The following OPA1 variants were observed in gnomAD, a reference collection of about 807,000 sequenced individuals.
The protein encoded by OPA1 is dynamin-like GTPase OPA1, mitochondrial.
Under a neutral mutation model 152.9 loss-of-function variants are expected in OPA1, and 59 were observed. That is an observed-to-expected ratio of 0.39 (90% CI 0.31 to 0.48). The LOEUF (loss-of-function observed/expected upper bound fraction) is 0.48. Ranked by LOEUF, OPA1 falls within the 20% of genes least tolerant of loss-of-function variation. OPA1 has a pLI of 0.96. For synonymous variants in OPA1, 400 were observed against 389.9 expected (o/e 1.03, Z -0.31); for missense variants, 1,008 against 1,216.8 (o/e 0.83, Z 2.55).
At chr3:193,613,097 G>T (rs747259906) in intron 1 of OPA1, among the ~76,000 whole-genome samples, 3 of 152,216 alleles carry the variant, frequency 2.0e-5, no homozygotes, top group Non-Finnish European at 4.4e-5. Context: ...ATTTGATGGA[G>T]TTTAATTAAG....
intron 29 of OPA1, among the ~76,000 whole-genome samples, chr3:193,676,973 T>TC (rs577526492): frequency 0.081 from 8,130 of 100,828 alleles, 313 homozygotes; most frequent in Middle Eastern, 0.14. Context: ...AGAGCAAGAC[T>TC]CGTCTCAAAA....
chr3:193,694,095 A>G (rs919699111), intron 30 of OPA1, among the ~76,000 whole-genome samples: 3 of 152,202 alleles, frequency 2.0e-5, no homozygotes, highest in Non-Finnish European at 4.4e-5. Context: ...TGTTGCTGCT[A>G]CCTGTCTAGT....
At chr3:193,632,928 A>G (rs755236638) in intron 8 of OPA1, among the ~76,000 whole-genome samples, 2 of 152,240 alleles carry the variant, frequency 1.3e-5, no homozygotes, top group Admixed American at 6.5e-5. Context: ...TGAAACGACT[A>G]CAAGTTGAAT....
chr3:193,602,553 A>C (rs1189411553), intron 1 of OPA1, among the ~76,000 whole-genome samples: 1 of 152,344 alleles, frequency 6.6e-6, no homozygotes, highest in Non-Finnish European at 1.5e-5. Flanking sequence ...TGGGCCTCCC[A>C]GTGACTATTT....
In OPA1 at chr3:193,593,268, C is replaced by T. The variant is rs905603873; in HGVS notation, c.-110C>T. On this transcript the variant is annotated 5_prime_UTR_variant, in exon 1 of 31. Transcript: ENST00000361510. ...CCTCGGCCGCGGCTCTGTGCCCTTG[C>T]TGCTGAGGGCCACTTCCTGGGTCAT... 15 of 1,163,268 alleles carry T rather than the reference C, an allele frequency of 1.3e-5. No individual in the cohort carries two copies. In the Admixed American group the frequency reaches 4.5e-4, roughly 35 times the overall value. 72.1% of individuals were successfully genotyped at this position (1,163,268 alleles called of 1,614,324 possible). A position where few individuals can be genotyped will look rare whatever the true frequency, so the allele number is the denominator to read the frequency against.
intron 8 of OPA1, among the ~76,000 whole-genome samples, chr3:193,634,630 G>A (rs1299867252): frequency 3.3e-5 from 5 of 152,070 alleles, no homozygotes; most frequent in Admixed American, 6.5e-5. Context: ...GAATGCTCTC[G>A]ATCTCTTGGC....
intron 9 of OPA1, 86 bp downstream of exon 9, chr3:193,635,608 A>C: frequency 1.2e-6 from 1 of 808,116 alleles, no homozygotes. Context: ...GGAGCTGTAA[A>C]GTATTCTGTC....
intron 6 of OPA1, among the ~76,000 whole-genome samples, chr3:193,621,550 C>T (rs1290681065): frequency 6.6e-6 from 1 of 152,170 alleles, no homozygotes; most frequent in Non-Finnish European, 1.5e-5. Context: ...TATATCCATT[C>T]AGTTTGTGGA....
chr3:193,641,894 C>A (rs1733833138), intron 11 of OPA1, among the ~76,000 whole-genome samples: 1 of 152,170 alleles, frequency 6.6e-6, no homozygotes, highest in African/African-American at 2.4e-5. Context: ...GAGGGCGGAT[C>A]ACCTGAGGTC....
At chr3:193,682,171 G>A (rs1216858352) in intron 29 of OPA1, among the ~76,000 whole-genome samples, 1 of 152,174 alleles carries the variant, frequency 6.6e-6, no homozygotes, top group African/African-American at 2.4e-5. Flanking sequence ...AGTTTCACTG[G>A]TCTGGATAGA....
At chr3:193,628,872 A>G (rs1171991241) in intron 7 of OPA1, among the ~76,000 whole-genome samples, 2 of 152,042 alleles carry the variant, frequency 1.3e-5, no homozygotes, top group Non-Finnish European at 2.9e-5. Flanking sequence ...GTTTCCTAGG[A>G]AATATTAGGT....
At chr3:193,650,118 C>A (rs895851931) in intron 21 of OPA1, among the ~76,000 whole-genome samples, 3 of 152,172 alleles carry the variant, frequency 2.0e-5, no homozygotes, top group Non-Finnish European at 4.4e-5. Context: ...TTGGACAGAG[C>A]AACCCTGAAA....
chr3:193,598,642 C>G (rs909078621), intron 1 of OPA1, among the ~76,000 whole-genome samples: 1 of 151,970 alleles, frequency 6.6e-6, no homozygotes, highest in Admixed American at 6.6e-5. Context: ...AACGATGAAC[C>G]GCATAATCTA....
Position 193,667,486 on chromosome 3 carries a change from C to T in OPA1, c.2983+206C>T, listed in dbSNP as rs13070791. Reference sequence around the variant, plus strand: ...AAGATCAAGACCATCCTGGCTAACACAGTGAAACCCCGTCTCTACTAAAAA... The same window carrying T: ...AAGATCAAGACCATCCTGGCTAACATAGTGAAACCCCGTCTCTACTAAAAA... On this transcript the variant is annotated intron_variant, in intron 29 of 30. Transcript: ENST00000361510. The T allele has an allele frequency of 0.42, 239,055 of 572,490 alleles. 50,763 individuals carry two copies. The highest frequency in any genetic ancestry group is 0.43 in the Non-Finnish European group (130,008 of 302,642). The allele number at this position is 572,490 out of a possible 1,614,324, so 35.5% of individuals were successfully genotyped here. A position where few individuals can be genotyped will look rare whatever the true frequency, so the allele number is the denominator to read the frequency against.
chr3:193,602,534 T>C (rs1369549391), intron 1 of OPA1, among the ~76,000 whole-genome samples: 1 of 152,224 alleles, frequency 6.6e-6, no homozygotes, highest in Admixed American at 6.5e-5. Context: ...GATGCTATTA[T>C]TAGGGACATG....
chr3:193,662,157 A>G (rs935413706), intron 25 of OPA1, among the ~76,000 whole-genome samples: 4 of 152,186 alleles, frequency 2.6e-5, no homozygotes, highest in African/African-American at 9.7e-5. Context: ...TTAATTTAAC[A>G]CAGTATAAGA....
chr3:193,676,291 A>G (rs35875021), intron 29 of OPA1, among the ~76,000 whole-genome samples: 17,724 of 152,196 alleles, frequency 0.12, 1,326 homozygotes, highest in Non-Finnish European at 0.16. Flanking sequence ...TTATGGTAGC[A>G]ATACTTGAAC....
At chr3:193,593,670 A>G (rs916951407) in intron 1 of OPA1, among the ~76,000 whole-genome samples, 5 of 151,688 alleles carry the variant, frequency 3.3e-5, no homozygotes, top group African/African-American at 9.7e-5. Context: ...GCCCGTCTCT[A>G]TTGTCCTTTT....
intron 29 of OPA1, among the ~76,000 whole-genome samples, chr3:193,685,914 A>G (rs368811640): frequency 2.5e-4 from 38 of 152,322 alleles, no homozygotes; most frequent in African/African-American, 8.9e-4. Context: ...TTATCCAGTT[A>G]TGAGGTTAAC....
Sources: allele counts gnomAD v4.1 joint callset (sites outside exome capture counted in the v4.1 genomes callset), GRCh38; gene constraint gnomAD v4.1.1; transcripts MANE v1.5; gene names NCBI Gene and HGNC (gene_info 2026-07-23, HGNC 2026-07-21).